Variants in ATP2B2 observed in about 807,000 individuals in gnomAD.
The protein encoded by ATP2B2 is plasma membrane calcium-transporting ATPase 2.
ATP2B2 carries 15 observed loss-of-function variants against 120.0 expected under a neutral mutation model. That is an observed-to-expected ratio of 0.12 (90% CI 0.08 to 0.19). ATP2B2 has a LOEUF of 0.19. Among genes scored for constraint, ATP2B2 ranks in the 10% least tolerant of loss-of-function variants. The pLI is 1.00. For missense variants in ATP2B2, 1,045 were observed against 1,719.8 expected, an observed-to-expected ratio of 0.61 and a Z score of 6.94; for synonymous variants, 694 against 700.3, an observed-to-expected ratio of 0.99 and a Z score of 0.14.
chr3:10,396,833 C>T (rs2062052616), intron 5 of ATP2B2, among the ~76,000 whole-genome samples: 1 of 151,534 alleles, frequency 6.6e-6, no homozygotes, highest in Non-Finnish European at 1.5e-5. Flanking sequence ...ACCTCATGAG[C>T]TGGGGCTATA....
chr3:10,638,186 C>G (rs1454847805), intron 1 of ATP2B2, among the ~76,000 whole-genome samples: 1 of 152,066 alleles, frequency 6.6e-6, no homozygotes, highest in Non-Finnish European at 1.5e-5. Flanking sequence ...AATACAGCTC[C>G]TCATAAGAAA....
At chr3:10,571,098 G>A (rs573501159) in intron 2 of ATP2B2, among the ~76,000 whole-genome samples, 4 of 152,316 alleles carry the variant, frequency 2.6e-5, no homozygotes, top group African/African-American at 9.6e-5. Context: ...AACTGGTGGT[G>A]GGGGAAAGGT....
chr3:10,509,001 TG>T (rs918217117), upstream of ATP2B2, among the ~76,000 whole-genome samples: 13 of 152,306 alleles, frequency 8.5e-5, no homozygotes, highest in African/African-American at 3.1e-4. Context: ...TGTGTTTAGT[TG>T]GCCAGACCAT....
chr3:10,544,480 T>G (rs2067503385), intron 2 of ATP2B2, among the ~76,000 whole-genome samples: 1 of 152,260 alleles, frequency 6.6e-6, no homozygotes, highest in East Asian at 1.9e-4. Flanking sequence ...CCTGGAAGAC[T>G]GAAAGAGAAC....
At chr3:10,651,265 G>A (rs1394203752) in intron 1 of ATP2B2, among the ~76,000 whole-genome samples, 2 of 152,180 alleles carry the variant, frequency 1.3e-5, no homozygotes, top group African/African-American at 2.4e-5. Flanking sequence ...GAATGATAGG[G>A]TTTGGCTGTG....
Position 10,328,557 on chromosome 3 carries a change from G to A in ATP2B2, c.*257C>T, listed in dbSNP as rs1051288700. 5 of 485,082 alleles carry A rather than the reference G, an allele frequency of 1.0e-5. No homozygotes were observed. Among genetic ancestry groups the A allele is most frequent in the Admixed American group, 3.7e-5 (1 of 26,958 alleles). 30.0% of individuals were successfully genotyped at this position (485,082 alleles called of 1,614,324 possible). ...TCTGGGTGGGAGCCAGGAAGGGCTT[G>A]TTTTGGGAAAACCGCTCACTCCCGT... On this transcript the variant is annotated 3_prime_UTR_variant, in exon 23 of 23. Transcript: ENST00000360273.
At chr3:10,481,371 C>T (rs911139754) in intron 1 of ATP2B2, among the ~76,000 whole-genome samples, 1 of 151,858 alleles carries the variant, frequency 6.6e-6, no homozygotes, top group Non-Finnish European at 1.5e-5. Context: ...TCTGCCTGCC[C>T]TGTTTCCTCT....
Position 10,426,196 on chromosome 3 carries a change from C to T in ATP2B2, c.200-15381G>A, listed in dbSNP as rs2063141009. On this transcript the variant is annotated intron_variant, in intron 2 of 22. Coordinates refer to ENST00000360273, the MANE Select transcript of ATP2B2 (RefSeq NM_001001331.4). ...CCCCCCTCCTAGATAGGTTACACCC[C>T]CTTCGGAATGCTCTCATAGCTCCCT... 4.6e-5 allele frequency among the ~76,000 whole-genome samples: 7 copies of T among 152,216 alleles called. No individual in the cohort carries two copies. In the South Asian group the frequency reaches 1.5e-3, roughly 32 times the overall value.
At chr3:10,476,497 G>A (rs1481399902) in intron 1 of ATP2B2, among the ~76,000 whole-genome samples, 1 of 152,242 alleles carries the variant, frequency 6.6e-6, no homozygotes, top group East Asian at 1.9e-4. Context: ...GAGAGAGCAA[G>A]GGTCAAGGCT....
At chr3:10,606,132 A>C (rs769615964) in intron 2 of ATP2B2, among the ~76,000 whole-genome samples, 1 of 152,070 alleles carries the variant, frequency 6.6e-6, no homozygotes, top group Non-Finnish European at 1.5e-5. Flanking sequence ...AACAAAAACA[A>C]AAACAAAAAA....
intron 1 of ATP2B2, among the ~76,000 whole-genome samples, chr3:10,669,349 GC>G (rs1254942564): frequency 6.6e-6 from 1 of 152,084 alleles, no homozygotes. Flanking sequence ...TCTCCTGGGA[GC>G]CTCTTCCTGG....
chr3:10,594,385 C>T (rs1427580672), intron 2 of ATP2B2, among the ~76,000 whole-genome samples: 2 of 151,920 alleles, frequency 1.3e-5, no homozygotes, highest in African/African-American at 4.8e-5. Context: ...TACTATGCAG[C>T]CATAAAAAAT....
exon 1 of ATP2B2, chr3:10,707,996 C>T (rs2071926012): frequency 6.8e-6 from 1 of 147,026 alleles, no homozygotes; most frequent in Admixed American, 6.8e-5. Flanking sequence ...CCGGCCCGGC[C>T]CCGCTGCGGC....
intron 2 of ATP2B2, among the ~76,000 whole-genome samples, chr3:10,582,799 G>A (rs1274716971): frequency 6.6e-5 from 10 of 152,308 alleles, no homozygotes; most frequent in Non-Finnish European, 7.4e-5. Flanking sequence ...GGGAGTCAGA[G>A]GGAGAAAGAG....
intron 13 of ATP2B2, among the ~76,000 whole-genome samples, chr3:10,359,649 G>C (rs767122489): frequency 2.6e-5 from 4 of 152,366 alleles, no homozygotes; most frequent in Non-Finnish European, 5.9e-5. Context: ...CTATAGAAAT[G>C]TTTAAGAGGA....
At chr3:10,628,675 G>T (rs2069777441) in intron 1 of ATP2B2, among the ~76,000 whole-genome samples, 1 of 152,130 alleles carries the variant, frequency 6.6e-6, no homozygotes, top group African/African-American at 2.4e-5. Context: ...CAACTGCCAC[G>T]GTGGGAGACC....
At chr3:10,607,016 GAGAC>G (rs1375841103) in intron 2 of ATP2B2, among the ~76,000 whole-genome samples, 2 of 151,434 alleles carry the variant, frequency 1.3e-5, no homozygotes, top group African/African-American at 4.9e-5. Context: ...GAGAGAGAGA[GAGAC>G]TGTTCCCATC....
Position 10,636,108 on chromosome 3 carries a change from A to G in ATP2B2, c.-459-16147T>C, listed in dbSNP as rs116644397. The stretch of plus-strand genomic sequence containing the variant: ...CCACAGGGGTCAAGATGTGGATAAG[A>G]CTGGCACGTGATGTGCTATTCCAAT... On this transcript the variant is annotated intron_variant, in intron 1 of 21. Coordinates refer to the ATP2B2 transcript ENST00000646379. 6.4e-3 allele frequency among the ~76,000 whole-genome samples: 971 copies of G among 152,288 alleles called. 11 individuals are homozygous for G. Among genetic ancestry groups the G allele is most frequent in the African/African-American group, 0.022 (910 of 41,564 alleles).
intron 1 of ATP2B2, among the ~76,000 whole-genome samples, chr3:10,705,763 A>G (rs1269718175): frequency 6.6e-6 from 1 of 152,248 alleles, no homozygotes; most frequent in African/African-American, 2.4e-5. Context: ...CTCAAAAAAT[A>G]TTAACCTTTC....
Sources: allele counts gnomAD v4.1 joint callset (sites outside exome capture counted in the v4.1 genomes callset), GRCh38; gene constraint gnomAD v4.1.1; transcripts MANE v1.5; gene names NCBI Gene and HGNC (gene_info 2026-07-23, HGNC 2026-07-21).